The following ALMS1 variants were observed in gnomAD, a reference collection of about 807,000 sequenced individuals.
ALMS1 encodes the protein centrosome-associated protein ALMS1.
Under a neutral mutation model 352.2 loss-of-function variants are expected in ALMS1, and 271 were observed. That is an observed-to-expected ratio of 0.77 (90% CI 0.70 to 0.85). The LOEUF (loss-of-function observed/expected upper bound fraction) is 0.85, where lower values mean the gene tolerates loss of function less well. ALMS1 is among the 40% of genes least tolerant of loss of function. ALMS1 has a pLI of 0.00. For synonymous variants in ALMS1, 1,865 were observed against 1,761.2 expected (o/e 1.06, Z -1.48); for missense variants, 5,445 against 4,870.7 (o/e 1.12, Z -3.51).
intron 1 of ALMS1, among the ~76,000 whole-genome samples, chr2:73,401,360 G>A (rs1670868156): frequency 1.3e-5 from 2 of 151,844 alleles, no homozygotes; most frequent in Admixed American, 6.5e-5. Flanking sequence ...ATATACATTC[G>A]GTGTTATAAA....
chr2:73,454,370 A>G (rs1672016550), intron 8 of ALMS1: 4 of 985,272 alleles, frequency 4.1e-6, no homozygotes, highest in Non-Finnish European at 4.8e-6. Context: ...TATGACAGAG[A>G]GTAAAGAGGT....
At chr2:73,596,652 A>G (rs200803554) in intron 16 of ALMS1, among the ~76,000 whole-genome samples, 2 of 151,586 alleles carry the variant, frequency 1.3e-5, no homozygotes, top group African/African-American at 2.4e-5. Flanking sequence ...TTGTATTTTT[A>G]GTAGAGACCG....
At chr2:73,522,466 C>A (rs1462763122) in intron 11 of ALMS1, among the ~76,000 whole-genome samples, 1 of 131,702 alleles carries the variant, frequency 7.6e-6, no homozygotes, top group Non-Finnish European at 1.5e-5. Flanking sequence ...AGGTTGAGGT[C>A]CTTTTTTTTT....
In ALMS1 at chr2:73,451,795, C is replaced by G; in HGVS notation, c.5268C>G (p.Ser1756=). ...DQKTGLSTVT[S]SFYSHTEKPN... is the part of the protein sequence containing the mutation. ...AGACTGGGTTATCTACTGTAACTTC[C>G]TCTTTCTATTCACATACAGAGAAGC... The change falls in exon 8 of 23, where the codon TCC becomes TCG. Residue 1756 remains serine, a synonymous_variant. Coordinates refer to ENST00000613296, the MANE Select transcript of ALMS1 (RefSeq NM_001378454.1). 1 of 1,613,298 alleles carries G rather than the reference C, an allele frequency of 6.2e-7. No homozygotes were observed. The highest frequency in any genetic ancestry group is 8.5e-7 in the Non-Finnish European group (1 of 1,179,810).
intron 9 of ALMS1, among the ~76,000 whole-genome samples, chr2:73,474,384 T>TGTGTGC (rs1413051867): frequency 2.3e-5 from 1 of 44,166 alleles, no homozygotes; most frequent in Admixed American, 3.6e-4. Flanking sequence ...TGTGTGTGTG[T>TGTGTGC]GTGTGTGTGT....
chr2:73,511,349 T>C (rs1673447413), intron 10 of ALMS1, among the ~76,000 whole-genome samples: 2 of 151,980 alleles, frequency 1.3e-5, no homozygotes, highest in Admixed American at 1.3e-4. Flanking sequence ...GGTCTGTGGG[T>C]TTCGAAGACT....
At chr2:73,435,540 CTT>C (rs34522616) in intron 7 of ALMS1, among the ~76,000 whole-genome samples, 9 of 149,752 alleles carry the variant, frequency 6.0e-5, no homozygotes, top group African/African-American at 2.2e-4. Flanking sequence ...TCTATTCCCT[CTT>C]TTTTTTTGGT....
chr2:73,463,705 T>A, intron 9 of ALMS1, among the ~76,000 whole-genome samples: 1 of 132,532 alleles, frequency 7.5e-6, no homozygotes, highest in Non-Finnish European at 1.6e-5. Flanking sequence ...CTAGCAAGAC[T>A]AATAAAGAAA....
chr2:73,484,917 C>T (rs1389056158), intron 9 of ALMS1, among the ~76,000 whole-genome samples: 3 of 152,186 alleles, frequency 2.0e-5, no homozygotes, highest in Non-Finnish European at 4.4e-5. Context: ...CCTTGTTTTT[C>T]AGCTCCATCA....
intron 1 of ALMS1, among the ~76,000 whole-genome samples, chr2:73,407,485 A>T (rs1198451035): frequency 8.6e-5 from 12 of 139,928 alleles, no homozygotes; most frequent in Non-Finnish European, 1.7e-4. Flanking sequence ...AAAAGAATTA[A>T]GGTGGAGTTA....
chr2:73,451,086 C>T lies in ALMS1; in HGVS notation c.4559C>T (p.Ser1520Phe). The T allele has an allele frequency of 6.2e-7, 1 of 1,613,854 alleles. No homozygotes were observed. The highest frequency in any genetic ancestry group is 8.5e-7 in the Non-Finnish European group (1 of 1,179,944). Residue 1520 changes from serine (S) to phenylalanine (F), a missense_variant, in exon 8 of 23, where the codon TCT becomes TTT. Ser to Phe is a radical substitution (Grantham distance 155). Coordinates refer to ENST00000613296, the MANE Select transcript of ALMS1 (RefSeq NM_001378454.1). ...ACAACTGGCGCACCAACTATAACCT[C>T]TCCTTCCTACTCACAACATAGAGCA... ...GQTTGAPTIT[S>F]PSYSQHRAKS...
chr2:73,485,784 T>A (rs1672825920), intron 9 of ALMS1, among the ~76,000 whole-genome samples: 1 of 152,026 alleles, frequency 6.6e-6, no homozygotes, highest in African/African-American at 2.4e-5. Context: ...TGGTGCGCCG[T>A]TTTTTAAGCC....
chr2:73,400,134 G>T (rs1399992007), intron 1 of ALMS1, among the ~76,000 whole-genome samples: 4 of 151,798 alleles, frequency 2.6e-5, no homozygotes, highest in African/African-American at 9.7e-5. Flanking sequence ...GGTGGCAGAG[G>T]GGGGTCTCAC....
At chr2:73,413,304 A>C (rs1016988711) in intron 2 of ALMS1, among the ~76,000 whole-genome samples, 1 of 151,990 alleles carries the variant, frequency 6.6e-6, no homozygotes, top group African/African-American at 2.4e-5. Flanking sequence ...AGAAGTTTTA[A>C]TTTTGATGAA....
intron 16 of ALMS1, among the ~76,000 whole-genome samples, chr2:73,592,389 G>A (rs1279805008): frequency 8.5e-5 from 13 of 152,188 alleles, no homozygotes; most frequent in African/African-American, 2.4e-5. Context: ...TCACCCCTTG[G>A]TGATGAGTAA....
At chr2:73,455,443 G>T (rs1235541036) in intron 9 of ALMS1, 148 bp downstream of exon 9, 2 of 1,021,204 alleles carry the variant, frequency 2.0e-6, no homozygotes, top group Non-Finnish European at 2.9e-6. Context: ...TTGCTCTGTT[G>T]CCCAGGCTGA....
intron 13 of ALMS1, among the ~76,000 whole-genome samples, chr2:73,553,271 T>C (rs938227849): frequency 6.6e-6 from 1 of 152,134 alleles, no homozygotes; most frequent in Non-Finnish European, 1.5e-5. Context: ...ATTATTTCAC[T>C]AAAACAAGGG....
rs189390087 is a variant in ALMS1, at chr2:73,498,443, T to G, written c.9539+6945T>G. Among the ~76,000 whole-genome samples the G allele has an allele frequency of 3.2e-3, 488 of 152,206 alleles. 3 individuals are homozygous for G. The highest frequency in any genetic ancestry group is 6.1e-3 in the Non-Finnish European group (418 of 67,978). On this transcript the variant is annotated intron_variant, in intron 10 of 22. Coordinates refer to ENST00000613296, the MANE Select transcript of ALMS1 (RefSeq NM_001378454.1). Reference sequence around the variant, plus strand: ...GCAATTACACTAAGTTATTTTAAAATGTACAGTCATTATTTACTATAGTCA... The same window carrying G: ...GCAATTACACTAAGTTATTTTAAAAGGTACAGTCATTATTTACTATAGTCA...
chr2:73,452,488 C>T lies in ALMS1; in HGVS notation c.5961C>T (p.Ser1987=), dbSNP rs1466942220. The T allele has an allele frequency of 6.2e-7, 1 of 1,614,010 alleles. No individual in the cohort carries two copies. ...KTGIPIGLSS[S]YSHSHKEKLK... is the part of the protein sequence containing the mutation. ...GGATACCAATAGGACTGTCTAGTTC[C>T]TACTCACATTCACATAAAGAGAAAC... The change falls in exon 8 of 23, where the codon TCC becomes TCT. Residue 1987 remains serine, a synonymous_variant. Transcript: ENST00000613296.
Sources: gnomAD v4.1 joint callset for allele counts (sites outside exome capture counted in the v4.1 genomes callset) on GRCh38, gnomAD v4.1.1 for gene constraint, MANE v1.5 for transcripts, NCBI Gene and HGNC (gene_info 2026-07-23, HGNC 2026-07-21) for gene names.